The following ADCY3 variants were observed in gnomAD, a reference collection of about 807,000 sequenced individuals.
ADCY3 encodes the protein adenylate cyclase 3.
In ADCY3, 70 loss-of-function variants were observed where a neutral mutation model predicts 119.4. That is an observed-to-expected ratio of 0.59 (90% CI 0.48 to 0.72). ADCY3 has a LOEUF of 0.72. Ranked by LOEUF, ADCY3 falls within the 30% of genes least tolerant of loss-of-function variation. ADCY3 has a pLI of 0.00. For synonymous variants in ADCY3, 672 were observed against 621.4 expected (o/e 1.08, Z -1.21); for missense variants, 1,238 against 1,541.6 (o/e 0.80, Z 3.30).
chr2:24,834,623 A>G lies in ADCY3; in HGVS notation c.1829T>C (p.Leu610Pro). Residue 610 changes from leucine to proline, a missense_variant, in exon 11 of 22, where the codon CTC becomes CCC. Coordinates refer to ENST00000679454, the MANE Select transcript of ADCY3 (RefSeq NM_004036.5). This position sits in a 1 kb window ranked among gnomAD's most constrained non-coding sequence, Gnocchi z 4.2. ...GGGGTCCATGAACCGCATGGACAAG[A>G]GGAAGGTGTTTCTCTTCTTTACTCT... The part of the protein sequence containing the change: ...AQVVKKRNTF[L>P]LSMRFMDPEM... 6.2e-7 allele frequency: 1 copy of G among 1,614,076 alleles called. No individual in the cohort carries two copies. Among genetic ancestry groups the G allele is most frequent in the East Asian group, 2.2e-5 (1 of 44,884 alleles).
intron 6 of ADCY3, among the ~76,000 whole-genome samples, chr2:24,840,925 C>A (rs1670922888): frequency 6.6e-6 from 1 of 152,242 alleles, no homozygotes; most frequent in Non-Finnish European, 1.5e-5. Context: ...AGATGGGGAG[C>A]CCCTGTGGGG....
At chr2:24,851,537 G>GA (rs1672293638) in intron 3 of ADCY3, among the ~76,000 whole-genome samples, 1 of 152,176 alleles carries the variant, frequency 6.6e-6, no homozygotes, top group Non-Finnish European at 1.5e-5. Flanking sequence ...GGTAGACCCT[G>GA]AACCCAGGGC....
chr2:24,894,191 A>C lies in ADCY3; in HGVS notation c.676-21472T>G, dbSNP rs1172324237. ...TCAAATATTCTATTACTTTGCATAT[A>C]AGAAAATTACAGCCAAGTGTGGTGG... On this transcript the variant is annotated intron_variant, in intron 2 of 21. Coordinates refer to ENST00000679454, the MANE Select transcript of ADCY3 (RefSeq NM_004036.5). 2.0e-5 allele frequency among the ~76,000 whole-genome samples: 3 copies of C among 152,340 alleles called. No individual in the cohort carries two copies. The East Asian group carries it at 5.8e-4, about 29-fold the overall frequency.
chr2:24,873,020 G>A lies in ADCY3; in HGVS notation c.676-301C>T, dbSNP rs558741737. Among the ~76,000 whole-genome samples, 87 of 152,314 alleles carry A rather than the reference G, an allele frequency of 5.7e-4. 4 individuals carry two copies. The highest frequency in any genetic ancestry group is 7.4e-5 in the Non-Finnish European group (5 of 68,026). On this transcript the variant is annotated intron_variant, in intron 2 of 21. Transcript: ENST00000679454. ...CTGAGGGGCTGTGGATCCCCCCTCCGGCTTCCCAACAAAGCAAGGCTGGCC... is the reference window on the plus strand; with the variant it reads ...CTGAGGGGCTGTGGATCCCCCCTCCAGCTTCCCAACAAAGCAAGGCTGGCC...
chr2:24,826,321 A>G (rs1668614497), intron 15 of ADCY3, 195 bp from the exon 16 acceptor site: 1 of 568,582 alleles, frequency 1.8e-6, no homozygotes, highest in African/African-American at 1.9e-5. Flanking sequence ...CCTCTCCAAC[A>G]GCCAGGCAAC....
chr2:24,828,779 A>G (rs543349891), intron 13 of ADCY3, among the ~76,000 whole-genome samples: 3 of 152,328 alleles, frequency 2.0e-5, no homozygotes, highest in African/African-American at 7.2e-5. Context: ...TAGCATGAGC[A>G]GTTGTTACAC....
At chr2:24,876,668 G>A (rs886905152) in intron 2 of ADCY3, among the ~76,000 whole-genome samples, 6 of 152,178 alleles carry the variant, frequency 3.9e-5, no homozygotes, top group African/African-American at 1.4e-4. Context: ...TGTGGCCGCA[G>A]GAAGAACTTG....
In ADCY3 at chr2:24,834,824, T is replaced by C; in HGVS notation, c.1775A>G (p.Glu592Gly). The C allele has an allele frequency of 1.2e-6, 2 of 1,613,908 alleles. No homozygotes were observed. Among genetic ancestry groups the C allele is most frequent in the Non-Finnish European group, 1.7e-6 (2 of 1,179,994 alleles). ...GGCGGACTCTCGCTCAAGCAGGGCC[T>C]CGTTGAGCAGCTGGTTGAGCTCGTG... ...DEHELNQLLN[E>G]ALLERESAQV... The change falls in exon 10 of 22, where the codon GAG (glutamate) becomes GGG (glycine). Residue 592 changes from glutamate (E) to glycine (G), a missense_variant. Around this residue, in one of 7 missense-constraint regions of ADCY3, gnomAD observed 499 missense variants for 571.0 expected, o/e 0.87. Coordinates refer to ENST00000679454, the MANE Select transcript of ADCY3 (RefSeq NM_004036.5). This position sits in a 1 kb window ranked among gnomAD's most constrained non-coding sequence, Gnocchi z 4.2.
Position 24,846,438 on chromosome 2 carries a change from C to G in ADCY3, c.826-4054G>C, listed in dbSNP as rs761548127. On this transcript the variant is annotated intron_variant, in intron 3 of 21. Transcript: ENST00000679454. Reference sequence around the variant, plus strand: ...TCATTTTGGAGCTTTAAAATTTAAGCTCCAAAGAAGCCCTGCTAGATTTCA... The same window carrying G: ...TCATTTTGGAGCTTTAAAATTTAAGGTCCAAAGAAGCCCTGCTAGATTTCA... Among the ~76,000 whole-genome samples the G allele has an allele frequency of 3.3e-5, 5 of 152,186 alleles. 1 individual carries two copies. Among genetic ancestry groups the G allele is most frequent in the Non-Finnish European group, 7.4e-5 (5 of 68,024 alleles).
At chr2:24,891,563 G>A (rs914643288) in intron 2 of ADCY3, among the ~76,000 whole-genome samples, 15 of 152,166 alleles carry the variant, frequency 9.9e-5, no homozygotes, top group Admixed American at 3.3e-4. Context: ...GCCATAAAGC[G>A]TTTCCTTTAA....
At chr2:24,848,730 A>T (rs981401758) in intron 3 of ADCY3, among the ~76,000 whole-genome samples, 2 of 152,190 alleles carry the variant, frequency 1.3e-5, no homozygotes, top group Non-Finnish European at 2.9e-5. Context: ...AGAAAGTATG[A>T]CTGAGTGACT....
rs79625009 is a variant in ADCY3 at position 24,849,253 on chromosome 2, T to C, written c.826-6869A>G. Among the ~76,000 whole-genome samples, 969 of 152,270 alleles carry C rather than the reference T, an allele frequency of 6.4e-3. 9 individuals carry two copies. The highest frequency in any genetic ancestry group is 0.022 in the African/African-American group (922 of 41,548). Reference sequence around the variant, plus strand: ...GGGACCTGAGAGTCCAATCCAGTCCTGTGGGAGCTCCATGCCCCTGACCAC... The same window carrying C: ...GGGACCTGAGAGTCCAATCCAGTCCCGTGGGAGCTCCATGCCCCTGACCAC... On this transcript the variant is annotated intron_variant, in intron 3 of 21. Coordinates refer to ENST00000679454, the MANE Select transcript of ADCY3 (RefSeq NM_004036.5).
At chr2:24,894,059 C>T (rs1452255934) in intron 2 of ADCY3, among the ~76,000 whole-genome samples, 1 of 151,778 alleles carries the variant, frequency 6.6e-6, no homozygotes, top group Non-Finnish European at 1.5e-5. Context: ...TTTTGTTTAC[C>T]ATTCTATTTT....
At chr2:24,910,036 G>A (rs958826893) in intron 2 of ADCY3, among the ~76,000 whole-genome samples, 1 of 152,196 alleles carries the variant, frequency 6.6e-6, no homozygotes, top group African/African-American at 2.4e-5. Context: ...CCAGACATGA[G>A]TAAAGGCTTC....
At position 24,820,589 on chromosome 2, in the gene ADCY3, C is replaced by T. The variant is rs948469738; in HGVS notation, c.3252+135G>A. On this transcript the variant is annotated intron_variant, in intron 21 of 21. Coordinates refer to ENST00000679454, the MANE Select transcript of ADCY3 (RefSeq NM_004036.5). ...GCTAGCTATTGCAGAGATTCTTTTC[C>T]ACTTGCCCCACGTCTCTGCCTCTGG... 3.1e-5 allele frequency: 45 copies of T among 1,474,744 alleles called. No individual in the cohort carries two copies. The African/African-American group carries it at 5.8e-4, about 19-fold the overall frequency. 91.4% of individuals were successfully genotyped at this position (1,474,744 alleles called of 1,614,324 possible).
chr2:24,842,159 A>G lies in ADCY3; in HGVS notation c.956+95T>C, dbSNP rs958636312. On this transcript the variant is annotated intron_variant, in intron 4 of 21. Transcript: ENST00000679454. This position sits in a 1 kb window ranked among gnomAD's most constrained non-coding sequence, Gnocchi z 4.9. ...AGGCCTTGCTTCTAGTCCCTGGAAA[A>G]CCTCTTGAAGCCCACAGCACCTAGC... 3 of 1,559,126 alleles carry G rather than the reference A, an allele frequency of 1.9e-6. No individual in the cohort carries two copies. The Admixed American group carries it at 5.2e-5, about 27-fold the overall frequency.
At chr2:24,905,253 C>T (rs1679335627) in intron 2 of ADCY3, among the ~76,000 whole-genome samples, 1 of 152,080 alleles carries the variant, frequency 6.6e-6, no homozygotes, top group South Asian at 2.1e-4. Context: ...CCTGCCTCAG[C>T]CTCCCGAGTA....
chr2:24,838,821 A>G, intron 7 of ADCY3, 199 bp from the exon 8 acceptor site: 1 of 1,608,946 alleles, frequency 6.2e-7, no homozygotes. Flanking sequence ...GCCGCTAACT[A>G]GCTGTGTGGG....
At chr2:24,852,367 G>A (rs924035081) in intron 3 of ADCY3, among the ~76,000 whole-genome samples, 14 of 152,172 alleles carry the variant, frequency 9.2e-5, no homozygotes, top group Middle Eastern at 3.2e-3. Context: ...TGGTGGTGGC[G>A]GCTCCTAGAG....
Sources: allele counts gnomAD v4.1 joint callset (sites outside exome capture counted in the v4.1 genomes callset), GRCh38; gene constraint gnomAD v4.1.1; regional missense constraint gnomAD v4.1.1; non-coding constraint Gnocchi (gnomAD v3.1); transcripts MANE v1.5; gene names NCBI Gene and HGNC (gene_info 2026-07-23, HGNC 2026-07-21).